The following ARHGAP24 variants were observed in gnomAD, a reference collection of about 807,000 sequenced individuals.
ARHGAP24 encodes the protein Rho GTPase activating protein 24.
Under a neutral mutation model 76.4 loss-of-function variants are expected in ARHGAP24, and 50 were observed. The observed-to-expected ratio is 0.65, with a 90% CI of 0.52 to 0.83. ARHGAP24 has a LOEUF of 0.83. Ranked by LOEUF, ARHGAP24 falls within the 40% of genes least tolerant of loss-of-function variation. The probability of loss-of-function intolerance (pLI) is 0.00; values close to 1 mark genes in which losing one functional copy is unlikely to be tolerated. For missense variants in ARHGAP24, 930 were observed against 914.2 expected, an observed-to-expected ratio of 1.02 and a Z score of -0.22; for synonymous variants, 345 against 323.3, an observed-to-expected ratio of 1.07 and a Z score of -0.72.
At chr4:85,485,977 G>T (rs1371054080) in intron 1 of ARHGAP24, among the ~76,000 whole-genome samples, 1 of 152,074 alleles carries the variant, frequency 6.6e-6, no homozygotes, top group Non-Finnish European at 1.5e-5. Flanking sequence ...CACCTCAAGT[G>T]CTCCACTCAC....
chr4:85,848,438 G>A (rs1320592565), intron 3 of ARHGAP24, among the ~76,000 whole-genome samples: 2 of 152,106 alleles, frequency 1.3e-5, no homozygotes, highest in Non-Finnish European at 2.9e-5. Context: ...GCAGTGTTTG[G>A]TTTTCTGTCC....
intron 2 of ARHGAP24, among the ~76,000 whole-genome samples, chr4:85,698,162 A>G (rs1276015350): frequency 6.6e-6 from 1 of 152,216 alleles, no homozygotes; most frequent in Admixed American, 6.5e-5. Context: ...GACAAAATTA[A>G]ATTAGTTCAG....
At chr4:85,980,039 C>A (rs1182225577) in intron 8 of ARHGAP24, among the ~76,000 whole-genome samples, 1 of 152,098 alleles carries the variant, frequency 6.6e-6, no homozygotes, top group East Asian at 1.9e-4. Context: ...TGTAGTATGA[C>A]AAGATTTCTT....
At chr4:85,970,675 G>A (rs1738918232) in intron 5 of ARHGAP24, among the ~76,000 whole-genome samples, 1 of 152,046 alleles carries the variant, frequency 6.6e-6, no homozygotes, top group Non-Finnish European at 1.5e-5. Context: ...TATTCACTGA[G>A]GCAGGAAACC....
intron 3 of ARHGAP24, among the ~76,000 whole-genome samples, chr4:85,828,515 G>GCT (rs1729830244): frequency 6.9e-6 from 1 of 144,270 alleles, no homozygotes; most frequent in Non-Finnish European, 1.5e-5. Context: ...CTGCGTGTGT[G>GCT]TTTTTTTTTT....
At chr4:85,908,850 A>G (rs1734915676) in intron 3 of ARHGAP24, among the ~76,000 whole-genome samples, 1 of 152,106 alleles carries the variant, frequency 6.6e-6, no homozygotes, top group Admixed American at 6.5e-5. Flanking sequence ...GCTTTCTCAG[A>G]TAATTAAAAA....
chr4:85,875,997 C>A (rs1046072509), intron 3 of ARHGAP24, among the ~76,000 whole-genome samples: 1 of 152,064 alleles, frequency 6.6e-6, no homozygotes, highest in Non-Finnish European at 1.5e-5. Flanking sequence ...CCGGCCTCAG[C>A]CTCCGAAAGT....
chr4:85,978,240 T>G (rs181482989), intron 8 of ARHGAP24, among the ~76,000 whole-genome samples: 1 of 152,212 alleles, frequency 6.6e-6, no homozygotes, highest in Non-Finnish European at 1.5e-5. Flanking sequence ...ATGTCATTAA[T>G]AGCAACATTG....
At chr4:85,863,817 T>A (rs1198473413) in intron 3 of ARHGAP24, among the ~76,000 whole-genome samples, 1 of 151,794 alleles carries the variant, frequency 6.6e-6, no homozygotes, top group Non-Finnish European at 1.5e-5. Context: ...CATGAGGAGT[T>A]TAGGAGTGGA....
intron 2 of ARHGAP24, among the ~76,000 whole-genome samples, chr4:85,658,692 A>G (rs1314293054): frequency 6.6e-6 from 1 of 152,248 alleles, no homozygotes; most frequent in African/African-American, 2.4e-5. Context: ...CACACAGTAT[A>G]GTCATGAATA....
intron 3 of ARHGAP24, among the ~76,000 whole-genome samples, chr4:85,807,060 G>A (rs1728820155): frequency 6.6e-6 from 1 of 152,090 alleles, no homozygotes; most frequent in Non-Finnish European, 1.5e-5. Flanking sequence ...GAGAGCATTT[G>A]TAAAATTGTG....
chr4:85,884,869 T>G (rs534595514), intron 3 of ARHGAP24, among the ~76,000 whole-genome samples: 2 of 152,336 alleles, frequency 1.3e-5, no homozygotes, highest in African/African-American at 4.8e-5. Flanking sequence ...CAATTTACTG[T>G]CTGATCTGCT....
chr4:85,923,507 C>T (rs1735846387), intron 3 of ARHGAP24, 141 bp from the exon 4 acceptor site: 2 of 1,230,506 alleles, frequency 1.6e-6, no homozygotes, highest in Non-Finnish European at 2.3e-6. Flanking sequence ...CACTCAGAAA[C>T]CATGGTAAAT....
intron 2 of ARHGAP24, among the ~76,000 whole-genome samples, chr4:85,638,667 T>A (rs577430177): frequency 3.3e-5 from 5 of 152,200 alleles, no homozygotes; most frequent in South Asian, 4.1e-4. Flanking sequence ...TCAGGCTGGA[T>A]CAGTGAGAAT....
chr4:85,802,437 G>A (rs1157238474), intron 3 of ARHGAP24, among the ~76,000 whole-genome samples: 5 of 152,174 alleles, frequency 3.3e-5, no homozygotes, highest in African/African-American at 1.2e-4. Flanking sequence ...TGAAGAGTTA[G>A]GCTTAAGAGC....
chr4:85,778,552 C>A lies in ARHGAP24; in HGVS notation c.268+56580C>A, dbSNP rs575682899. On this transcript the variant is annotated intron_variant, in intron 3 of 9. Coordinates refer to ENST00000395184, the MANE Select transcript of ARHGAP24 (RefSeq NM_001025616.3). ...CCCTTATCTACAAAATGGGTTCACCCGGCTAAATTATATTTAAGGTCCTGA... is the reference window on the plus strand; with the variant it reads ...CCCTTATCTACAAAATGGGTTCACCAGGCTAAATTATATTTAAGGTCCTGA... 6.5e-6 allele frequency: 4 copies of A among 612,898 alleles called. No homozygotes were observed. In the East Asian group the frequency reaches 4.2e-4, roughly 64 times the overall value. 38.0% of individuals were successfully genotyped at this position (612,898 alleles called of 1,614,324 possible).
At chr4:85,616,124 G>A (rs557715197) in intron 2 of ARHGAP24, among the ~76,000 whole-genome samples, 1 of 152,280 alleles carries the variant, frequency 6.6e-6, no homozygotes, top group East Asian at 1.9e-4. Flanking sequence ...AAACCTTTAT[G>A]CCTTTTCCGC....
At chr4:85,727,464 T>C (rs1336171162) in intron 3 of ARHGAP24, among the ~76,000 whole-genome samples, 1 of 152,080 alleles carries the variant, frequency 6.6e-6, no homozygotes, top group Non-Finnish European at 1.5e-5. Context: ...GTTCTAAGGC[T>C]ACAACAATCC....
intron 1 of ARHGAP24, among the ~76,000 whole-genome samples, chr4:85,561,396 G>A (rs1223832495): frequency 1.3e-5 from 2 of 152,066 alleles, no homozygotes; most frequent in Non-Finnish European, 2.9e-5. Context: ...TGTTATTTTG[G>A]ACCTAGAGGA....
Sources: allele counts gnomAD v4.1 joint callset (sites outside exome capture counted in the v4.1 genomes callset), GRCh38; gene constraint gnomAD v4.1.1; transcripts MANE v1.5; gene names NCBI Gene and HGNC (gene_info 2026-07-23, HGNC 2026-07-21).